Variants in ARHGAP42 observed in about 807,000 individuals in gnomAD.
ARHGAP42 encodes rho GTPase-activating protein 42.
A neutral mutation model predicts 125.0 loss-of-function variants in ARHGAP42; 63 were observed. That is an observed-to-expected ratio of 0.50 (90% CI 0.41 to 0.62). The LOEUF is 0.62. Ranked by LOEUF, ARHGAP42 falls within the 20% of genes least tolerant of loss-of-function variation. The probability of loss-of-function intolerance (pLI) is 0.00; values close to 1 mark genes in which losing one functional copy is unlikely to be tolerated. For missense variants in ARHGAP42, 766 were observed against 1,024.2 expected (o/e 0.75, Z 3.44); for synonymous variants, 339 against 351.0 (o/e 0.97, Z 0.38).
chr11:100,903,741 T>A lies in ARHGAP42; in HGVS notation c.385-9711T>A, dbSNP rs201564470. 1.2e-4 allele frequency among the ~76,000 whole-genome samples: 14 copies of A among 117,106 alleles called. 1 individual carries two copies. Among genetic ancestry groups the A allele is most frequent in the African/African-American group, 2.3e-4 (8 of 34,406 alleles). 76.8% of individuals were successfully genotyped at this position (117,106 alleles called of 152,430 possible). On this transcript the variant is annotated intron_variant, in intron 4 of 23. Transcript: ENST00000298815. ...ATATATATATATATATATATATATA[T>A]ATATATATATATATGTATGTAAAGG...
rs561182892 is a variant in ARHGAP42, at chr11:100,972,427, T to C, written c.1551-748T>C. On this transcript the variant is annotated intron_variant, in intron 17 of 23. Coordinates refer to ENST00000298815, the MANE Select transcript of ARHGAP42 (RefSeq NM_152432.4). ...TGATATCAGAGGTTTTTGATTTGATTGTCAAGCCAGCAATGATGCTACCAC... is the reference window on the plus strand; with the variant it reads ...TGATATCAGAGGTTTTTGATTTGATCGTCAAGCCAGCAATGATGCTACCAC... Among the ~76,000 whole-genome samples the C allele has an allele frequency of 3.3e-5, 5 of 152,290 alleles. 1 individual carries two copies. In the East Asian group the frequency reaches 9.6e-4, roughly 29 times the overall value.
intron 1 of ARHGAP42, among the ~76,000 whole-genome samples, chr11:100,762,448 T>A (rs1409554894): frequency 3.3e-5 from 5 of 152,196 alleles, no homozygotes; most frequent in Non-Finnish European, 5.9e-5. Flanking sequence ...TCTCAAGGCC[T>A]TCAAGGAAAG....
chr11:100,727,192 C>T (rs1392228506), intron 1 of ARHGAP42, among the ~76,000 whole-genome samples: 1 of 151,990 alleles, frequency 6.6e-6, no homozygotes, highest in African/African-American at 2.4e-5. Context: ...CTTGGAAAAC[C>T]ATCATTTAAT....
At chr11:100,813,137 G>T (rs1864185471) in intron 3 of ARHGAP42, among the ~76,000 whole-genome samples, 1 of 151,974 alleles carries the variant, frequency 6.6e-6, no homozygotes, top group South Asian at 2.1e-4. Context: ...GCAAGAGAAA[G>T]GGAGGCGGCA....
At chr11:100,766,929 G>A (rs999919329) in intron 1 of ARHGAP42, among the ~76,000 whole-genome samples, 1 of 152,094 alleles carries the variant, frequency 6.6e-6, no homozygotes, top group Non-Finnish European at 1.5e-5. Flanking sequence ...CTTCCAGAAG[G>A]ACTGTGAAAG....
At chr11:100,964,031 AATATCTTAT>A (rs1016941541) in intron 16 of ARHGAP42, among the ~76,000 whole-genome samples, 6 of 151,832 alleles carry the variant, frequency 4.0e-5, no homozygotes, top group South Asian at 4.1e-4. Flanking sequence ...TGATATTTAA[AATATCTTAT>A]ATATCTTATA....
At chr11:100,728,664 G>A (rs1285166540) in intron 1 of ARHGAP42, among the ~76,000 whole-genome samples, 6 of 143,302 alleles carry the variant, frequency 4.2e-5, no homozygotes, top group Non-Finnish European at 7.5e-5. Flanking sequence ...TTAGGTTCAC[G>A]ATGGATCTAA....
At chr11:100,765,132 C>T (rs1298174067) in intron 1 of ARHGAP42, among the ~76,000 whole-genome samples, 1 of 152,088 alleles carries the variant, frequency 6.6e-6, no homozygotes, top group Non-Finnish European at 1.5e-5. Flanking sequence ...AGACAATAAC[C>T]AGTACCTTAG....
At chr11:100,928,287 T>C (rs1360644757) in intron 6 of ARHGAP42, among the ~76,000 whole-genome samples, 2 of 152,308 alleles carry the variant, frequency 1.3e-5, no homozygotes, top group East Asian at 3.9e-4. Context: ...GGGAAGTATT[T>C]ATTTTTATTT....
At chr11:100,859,673 A>G in intron 4 of ARHGAP42, 48 bp downstream of exon 4, 1 of 1,320,492 alleles carries the variant, frequency 7.6e-7, no homozygotes, top group Non-Finnish European at 1.0e-6. Flanking sequence ...TGATAATTAA[A>G]GATGACATAA....
At chr11:100,976,501 A>G in intron 20 of ARHGAP42, 64 bp downstream of exon 20, 1 of 1,457,108 alleles carries the variant, frequency 6.9e-7, no homozygotes, top group Non-Finnish European at 9.1e-7. Flanking sequence ...TGGATTATTC[A>G]GCATGGTTAA....
intron 3 of ARHGAP42, among the ~76,000 whole-genome samples, chr11:100,852,310 A>G (rs1218292580): frequency 2.0e-5 from 3 of 152,204 alleles, no homozygotes; most frequent in Admixed American, 1.3e-4. Context: ...CAGCTACTAA[A>G]ATGCAATTGC....
chr11:100,739,373 C>T (rs1397057582), intron 1 of ARHGAP42, among the ~76,000 whole-genome samples: 1 of 151,700 alleles, frequency 6.6e-6, no homozygotes, highest in African/African-American at 2.4e-5. Context: ...ACTTTGAAAT[C>T]CTGAGAAACA....
intron 3 of ARHGAP42, among the ~76,000 whole-genome samples, chr11:100,831,192 C>G (rs1236597918): frequency 1.3e-5 from 2 of 152,090 alleles, no homozygotes; most frequent in African/African-American, 4.8e-5. Flanking sequence ...GCCAGTAACA[C>G]CTACTCCAGC....
Position 100,992,342 on chromosome 11 carries a change from C to G in ARHGAP42, c.*3541C>G. The G allele has an allele frequency of 6.2e-7, 1 of 1,611,264 alleles. No individual in the cohort carries two copies. The highest frequency in any genetic ancestry group is 1.1e-5 in the South Asian group (1 of 90,432). On this transcript the variant is annotated 3_prime_UTR_variant, in exon 24 of 24. Coordinates refer to ENST00000298815, the MANE Select transcript of ARHGAP42 (RefSeq NM_152432.4). ...ACATCACTGCGTAGGACCCGGAAATCACATCTCCTGGTCAGGTCACGAAAA... is the reference window on the plus strand; with the variant it reads ...ACATCACTGCGTAGGACCCGGAAATGACATCTCCTGGTCAGGTCACGAAAA...
intron 4 of ARHGAP42, among the ~76,000 whole-genome samples, chr11:100,869,797 C>G (rs1003207776): frequency 1.3e-5 from 2 of 152,098 alleles, no homozygotes; most frequent in African/African-American, 4.8e-5. Context: ...AAAATAATCT[C>G]TTATAATTTG....
chr11:100,795,091 A>G lies in ARHGAP42; in HGVS notation c.251-14A>G, dbSNP rs1252207880. ...AAATATTAATTCTTTGCATTTTTTT[A>G]TCTTTCCAAACAGCTCAGTCACTAA... On this transcript the variant is annotated splice_polypyrimidine_tract_variant and intron_variant, in intron 2 of 23. Transcript: ENST00000298815. The G allele has an allele frequency of 6.5e-6, 10 of 1,528,008 alleles. No homozygotes were observed. Among genetic ancestry groups the G allele is most frequent in the East Asian group, 2.5e-5 (1 of 40,526 alleles). The allele number at this position is 1,528,008 out of a possible 1,614,324, so 94.7% of individuals were successfully genotyped here. A position where few individuals can be genotyped will look rare whatever the true frequency, so the allele number is the denominator to read the frequency against.
Position 100,921,604 on chromosome 11 carries a change from G to A in ARHGAP42, c.597G>A (p.Pro199=), listed in dbSNP as rs75746929. The change falls in exon 6 of 24, where the codon CCG becomes CCA. Residue 199 remains proline, a splice_region_variant and synonymous_variant. Transcript: ENST00000298815. ...AAAAGAAGTTTGAATTTGTTGAACC[G>A]GTAAGTTTCAGATTTTTGTATAAAT... ...QEKKKFEFVE[P]LLSFLQGLFT... The A allele has an allele frequency of 0.051, 77,130 of 1,513,166 alleles. 3,006 individuals carry two copies. Among genetic ancestry groups the A allele is most frequent in the East Asian group, 0.23 (9,200 of 39,378 alleles). 93.7% of individuals were successfully genotyped at this position (1,513,166 alleles called of 1,614,324 possible). A position where few individuals can be genotyped will look rare whatever the true frequency, so the allele number is the denominator to read the frequency against.
At chr11:100,884,174 T>C (rs934670428) in intron 4 of ARHGAP42, among the ~76,000 whole-genome samples, 1 of 152,204 alleles carries the variant, frequency 6.6e-6, no homozygotes, top group Non-Finnish European at 1.5e-5. Context: ...ACAAAAAAAC[T>C]ATCAGTCTGG....
Sources: gnomAD v4.1 joint callset for allele counts (sites outside exome capture counted in the v4.1 genomes callset) on GRCh38, gnomAD v4.1.1 for gene constraint, MANE v1.5 for transcripts, NCBI Gene and HGNC (gene_info 2026-07-23, HGNC 2026-07-21) for gene names.